ELMO1: variants seen among roughly 807,000 people sequenced by gnomAD.
ELMO1 encodes the protein engulfment and cell motility 1.
In ELMO1, 26 loss-of-function variants were observed where a neutral mutation model predicts 98.9. The ratio of observed to expected loss-of-function variants is 0.26; its 90% confidence interval spans 0.19 to 0.36. The LOEUF is 0.36. Ranked by LOEUF, ELMO1 falls within the 10% of genes least tolerant of loss-of-function variation. ELMO1 has a pLI of 1.00. For missense variants in ELMO1, 627 were observed against 935.2 expected (o/e 0.67, Z 4.30); for synonymous variants, 346 against 346.0 (o/e 1.00, Z 0.00).
chr7:37,239,885 A>G (rs758789985), intron 7 of ELMO1, among the ~76,000 whole-genome samples: 4 of 152,202 alleles, frequency 2.6e-5, no homozygotes, highest in Admixed American at 6.5e-5. Flanking sequence ...AACATGTGAT[A>G]ACTGAAAACT....
chr7:36,935,526 A>G (rs1584398816), intron 16 of ELMO1, among the ~76,000 whole-genome samples: 1 of 152,196 alleles, frequency 6.6e-6, no homozygotes, highest in Non-Finnish European at 1.5e-5. Context: ...AAAGTGCATT[A>G]AGGCACAAAA....
intron 16 of ELMO1, among the ~76,000 whole-genome samples, chr7:36,937,512 C>G (rs913149959): frequency 2.0e-5 from 3 of 152,210 alleles, no homozygotes; most frequent in African/African-American, 7.2e-5. Flanking sequence ...ACTATGAGAC[C>G]ATAATTTCCT....
At chr7:36,934,448 A>G (rs1396194445) in intron 16 of ELMO1, among the ~76,000 whole-genome samples, 1 of 152,134 alleles carries the variant, frequency 6.6e-6, no homozygotes, top group Non-Finnish European at 1.5e-5. Context: ...TCGGAGACCA[A>G]ACCTGCTGAG....
chr7:36,947,554 G>A (rs917268368), intron 16 of ELMO1, among the ~76,000 whole-genome samples: 2 of 152,100 alleles, frequency 1.3e-5, no homozygotes, highest in African/African-American at 2.4e-5. Flanking sequence ...TGGATCAGGC[G>A]TTGGCCTCCT....
intron 2 of ELMO1, among the ~76,000 whole-genome samples, chr7:37,328,813 T>G (rs972230723): frequency 6.6e-6 from 1 of 152,238 alleles, no homozygotes; most frequent in Non-Finnish European, 1.5e-5. Context: ...TCTGTAGTCC[T>G]TTCTGTCTCA....
chr7:37,384,078 A>G (rs531342384), intron 1 of ELMO1, among the ~76,000 whole-genome samples: 8 of 152,086 alleles, frequency 5.3e-5, no homozygotes, highest in South Asian at 4.1e-4. Context: ...GCCTCCCAGA[A>G]TGCTGGGATT....
At chr7:37,247,732 G>A (rs1041732752) in intron 6 of ELMO1, among the ~76,000 whole-genome samples, 2 of 152,236 alleles carry the variant, frequency 1.3e-5, no homozygotes, top group African/African-American at 2.4e-5. Context: ...AGGAGGAGAC[G>A]GGCCACCTGG....
intron 16 of ELMO1, among the ~76,000 whole-genome samples, chr7:36,990,060 G>C (rs1237841845): frequency 1.3e-5 from 2 of 152,082 alleles, no homozygotes; most frequent in African/African-American, 4.8e-5. Flanking sequence ...TAAGTGACTT[G>C]ATCGATATTT....
chr7:36,920,147 T>A lies in ELMO1; in HGVS notation c.1438-25130A>T, dbSNP rs183394275. 6.8e-4 allele frequency among the ~76,000 whole-genome samples: 104 copies of A among 152,356 alleles called. 2 individuals are homozygous for A. In the South Asian group the frequency reaches 0.019, roughly 27 times the overall value. On this transcript the variant is annotated intron_variant, in intron 16 of 21. Transcript: ENST00000310758. ...CTTCTACTCTGGCTAATATGCCCCT[T>A]GGCCAGGCCACCACACAGTCAACTA...
At chr7:36,981,882 C>T (rs767749794) in intron 16 of ELMO1, among the ~76,000 whole-genome samples, 1 of 152,176 alleles carries the variant, frequency 6.6e-6, no homozygotes, top group Non-Finnish European at 1.5e-5. Flanking sequence ...GTTACCAGAG[C>T]AGGTGGTCCA....
chr7:36,896,669 GTTTT>G (rs1806025179), intron 16 of ELMO1, among the ~76,000 whole-genome samples: 1 of 59,162 alleles, frequency 1.7e-5, no homozygotes, highest in African/African-American at 6.7e-5. Flanking sequence ...AGATCTGCTG[GTTTT>G]TTGTTTGTTT....
At chr7:36,878,193 C>T in intron 18 of ELMO1, 76 bp from the exon 19 acceptor site, 1 of 1,117,020 alleles carries the variant, frequency 9.0e-7, no homozygotes, top group South Asian at 1.3e-5. Flanking sequence ...TTTCTTAATA[C>T]TCTTGCCTGG....
intron 1 of ELMO1, among the ~76,000 whole-genome samples, chr7:37,356,297 T>C (rs1023737127): frequency 2.0e-5 from 3 of 152,320 alleles, no homozygotes; most frequent in Middle Eastern, 3.4e-3. Flanking sequence ...GATTGATTTA[T>C]AGTCCTTTGG....
chr7:36,875,634 T>A (rs983331818), intron 19 of ELMO1, among the ~76,000 whole-genome samples: 2 of 152,138 alleles, frequency 1.3e-5, no homozygotes, highest in Non-Finnish European at 2.9e-5. Context: ...GTGTGGAGAT[T>A]TGCAGCTCTG....
intron 1 of ELMO1, among the ~76,000 whole-genome samples, chr7:37,433,308 G>A (rs1024708592): frequency 1.1e-4 from 16 of 152,212 alleles, no homozygotes; most frequent in East Asian, 3.8e-4. Flanking sequence ...AACACCTGCC[G>A]TGAGCCCTCC....
At chr7:37,448,575 G>T (rs1805759698) in intron 1 of ELMO1, 100 bp downstream of exon 1, 1 of 152,012 alleles carries the variant, frequency 6.6e-6, no homozygotes, top group South Asian at 2.1e-4. Context: ...GAGTCCCCCG[G>T]AGCAGGACGC....
At chr7:37,340,468 C>T (rs1236276031) in intron 2 of ELMO1, among the ~76,000 whole-genome samples, 2 of 152,242 alleles carry the variant, frequency 1.3e-5, no homozygotes, top group South Asian at 2.1e-4. Flanking sequence ...TTGTCCAAAA[C>T]GGAAGGAGAC....
intron 15 of ELMO1, among the ~76,000 whole-genome samples, chr7:37,088,200 T>C (rs1382544497): frequency 2.6e-5 from 4 of 152,216 alleles, no homozygotes; most frequent in Non-Finnish European, 4.4e-5. Context: ...ATGATAAATA[T>C]TATTTTCATC....
chr7:36,991,900 T>A (rs918126864), intron 16 of ELMO1, among the ~76,000 whole-genome samples: 2 of 152,154 alleles, frequency 1.3e-5, no homozygotes, highest in Non-Finnish European at 2.9e-5. Flanking sequence ...AGTTGCCATC[T>A]AGTAAAGTGG....
Sources: allele counts gnomAD v4.1 joint callset (sites outside exome capture counted in the v4.1 genomes callset), GRCh38; gene constraint gnomAD v4.1.1; transcripts MANE v1.5; gene names NCBI Gene and HGNC (gene_info 2026-07-23, HGNC 2026-07-21).